The following KCNIP4 variants were observed in gnomAD, a reference collection of about 807,000 sequenced individuals.
The protein encoded by KCNIP4 is potassium voltage-gated channel interacting protein 4, also known as Kv channel-interacting protein 4.
A neutral mutation model predicts 34.0 loss-of-function variants in KCNIP4; 12 were observed. The observed-to-expected ratio is 0.35, with a 90% CI of 0.23 to 0.57. The LOEUF is 0.57. Among genes scored for constraint, KCNIP4 ranks in the 20% least tolerant of loss-of-function variants. The pLI is 0.83. For missense variants in KCNIP4, 238 were observed against 311.7 expected (o/e 0.76, Z 1.78); for synonymous variants, 124 against 102.2 (o/e 1.21, Z -1.29).
At chr4:20,737,317 T>G (rs1404129503) in intron 5 of KCNIP4, among the ~76,000 whole-genome samples, 1 of 152,218 alleles carries the variant, frequency 6.6e-6, no homozygotes, top group Non-Finnish European at 1.5e-5. Flanking sequence ...GGAAAAATGT[T>G]CACTGGACCA....
chr4:21,633,824 T>C (rs1201712137), intron 1 of KCNIP4, among the ~76,000 whole-genome samples: 1 of 152,132 alleles, frequency 6.6e-6, no homozygotes, highest in East Asian at 1.9e-4. Context: ...AACATAAATA[T>C]TGTTTTTGAA....
In KCNIP4 at chr4:21,535,166, T is replaced by A. The variant is rs1377804925; in HGVS notation, c.61+413405A>T. On this transcript the variant is annotated intron_variant, in intron 1 of 8. Coordinates refer to ENST00000382152, the MANE Select transcript of KCNIP4 (RefSeq NM_025221.6). The stretch of plus-strand genomic sequence containing the variant: ...AAATTAGGCTTAACACAGGCTTAAA[T>A]TAGGCTTAAATCAGGCTGACCAAGT... Among the ~76,000 whole-genome samples, 3 of 152,140 alleles carry A rather than the reference T, an allele frequency of 2.0e-5. No individual in the cohort carries two copies. In the East Asian group the frequency reaches 5.8e-4, roughly 29 times the overall value.
intron 1 of KCNIP4, among the ~76,000 whole-genome samples, chr4:21,910,421 A>G (rs767585581): frequency 1.3e-5 from 2 of 152,198 alleles, no homozygotes; most frequent in South Asian, 4.1e-4. Context: ...CAAGGTCATC[A>G]GAAAACAAAA....
chr4:20,848,560 T>G (rs745925230), intron 3 of KCNIP4, among the ~76,000 whole-genome samples: 27 of 152,026 alleles, frequency 1.8e-4, no homozygotes, highest in Non-Finnish European at 2.9e-4. Context: ...TATTGTGAAG[T>G]GCCACTTGTA....
intron 1 of KCNIP4, among the ~76,000 whole-genome samples, chr4:21,608,595 TA>T (rs1307008388): frequency 2.0e-5 from 3 of 152,214 alleles, no homozygotes; most frequent in African/African-American, 7.2e-5. Context: ...GCCTCCAGGA[TA>T]ATCTCCCCAT....
At chr4:21,460,302 G>A (rs1729345463) in intron 1 of KCNIP4, among the ~76,000 whole-genome samples, 1 of 151,740 alleles carries the variant, frequency 6.6e-6, no homozygotes, top group African/African-American at 2.4e-5. Context: ...TTACCCAAAT[G>A]TCATCTTCTC....
chr4:21,868,903 G>A (rs527250742), intron 1 of KCNIP4, among the ~76,000 whole-genome samples: 101 of 152,252 alleles, frequency 6.6e-4, no homozygotes, highest in African/African-American at 2.2e-3. Flanking sequence ...ATAGCAAAAG[G>A]TGTTTATAAA....
intron 1 of KCNIP4, among the ~76,000 whole-genome samples, chr4:21,348,787 A>G (rs530743276): frequency 2.0e-5 from 3 of 152,178 alleles, no homozygotes; most frequent in Non-Finnish European, 4.4e-5. Context: ...GACTTTTACC[A>G]TCTGGCCTAT....
At chr4:20,835,380 C>T (rs1241098952) in intron 3 of KCNIP4, among the ~76,000 whole-genome samples, 2 of 152,114 alleles carry the variant, frequency 1.3e-5, no homozygotes, top group Non-Finnish European at 2.9e-5. Context: ...GTTCAATTCC[C>T]AGCCTTGCCA....
At chr4:20,762,501 G>T (rs185101233) in intron 3 of KCNIP4, among the ~76,000 whole-genome samples, 71 of 152,306 alleles carry the variant, frequency 4.7e-4, no homozygotes, top group African/African-American at 1.6e-3. Context: ...GTGAGAAAAA[G>T]ATGCTAGTGA....
intron 1 of KCNIP4, among the ~76,000 whole-genome samples, chr4:21,176,147 T>A (rs906760977): frequency 6.6e-6 from 1 of 152,240 alleles, no homozygotes; most frequent in South Asian, 2.1e-4. Flanking sequence ...TGTGTTTTTC[T>A]CATATGGACT....
At chr4:20,986,970 G>T (rs903585180) in intron 1 of KCNIP4, among the ~76,000 whole-genome samples, 1 of 152,100 alleles carries the variant, frequency 6.6e-6, no homozygotes, top group Admixed American at 6.5e-5. Context: ...GATCGAATCT[G>T]CTGGCTCCCA....
chr4:21,034,870 C>T (rs1050344809), intron 1 of KCNIP4, among the ~76,000 whole-genome samples: 1 of 152,186 alleles, frequency 6.6e-6, no homozygotes, highest in African/African-American at 2.4e-5. Flanking sequence ...ACATGGTTTA[C>T]ACCTGCAGAA....
chr4:20,773,316 T>G (rs1440138213), intron 3 of KCNIP4, among the ~76,000 whole-genome samples: 1 of 152,214 alleles, frequency 6.6e-6, no homozygotes, highest in Non-Finnish European at 1.5e-5. Flanking sequence ...TCCTAGTGCT[T>G]CTTCAGAGGC....
intron 1 of KCNIP4, among the ~76,000 whole-genome samples, chr4:21,639,807 TTA>T (rs1231203677): frequency 6.6e-6 from 1 of 152,190 alleles, no homozygotes; most frequent in Non-Finnish European, 1.5e-5. Flanking sequence ...TCTATTCTAA[TTA>T]TATATTCTGG....
intron 1 of KCNIP4, among the ~76,000 whole-genome samples, chr4:20,978,975 T>C (rs1245796331): frequency 9.2e-5 from 14 of 152,172 alleles, no homozygotes; most frequent in Non-Finnish European, 1.9e-4. Flanking sequence ...AGTTAGATAA[T>C]GAATATATGA....
chr4:21,060,968 A>T (rs1743863242), intron 1 of KCNIP4, among the ~76,000 whole-genome samples: 1 of 152,154 alleles, frequency 6.6e-6, no homozygotes, highest in Non-Finnish European at 1.5e-5. Flanking sequence ...GCTAATGACA[A>T]ATTGGGTCCA....
chr4:21,731,734 G>A (rs766935883), intron 1 of KCNIP4, among the ~76,000 whole-genome samples: 1 of 152,046 alleles, frequency 6.6e-6, no homozygotes, highest in Non-Finnish European at 1.5e-5. Context: ...CTGATATACA[G>A]GACATAACTC....
chr4:21,483,674 C>G (rs1731655337), intron 1 of KCNIP4, among the ~76,000 whole-genome samples: 1 of 152,000 alleles, frequency 6.6e-6, no homozygotes, highest in Non-Finnish European at 1.5e-5. Context: ...CCTGTAATCC[C>G]AGCTACTTGG....
Sources: allele counts gnomAD v4.1 joint callset (sites outside exome capture counted in the v4.1 genomes callset), GRCh38; gene constraint gnomAD v4.1.1; transcripts MANE v1.5; gene names NCBI Gene and HGNC (gene_info 2026-07-23, HGNC 2026-07-21).